The following COL24A1 variants were observed in gnomAD, a reference collection of about 807,000 sequenced individuals.
The protein encoded by COL24A1 is collagen type XXIV alpha 1 chain, also known as collagen alpha-1(XXIV) chain.
Under a neutral mutation model 253.9 loss-of-function variants are expected in COL24A1, and 224 were observed. The observed-to-expected ratio is 0.88, with a 90% CI of 0.79 to 0.99. The LOEUF (loss-of-function observed/expected upper bound fraction) is 0.99, where lower values mean the gene tolerates loss of function less well. Ranked by LOEUF, COL24A1 falls within the 50% of genes least tolerant of loss-of-function variation. The pLI is 0.00. For missense variants in COL24A1, 2,131 were observed against 2,068.5 expected (o/e 1.03, Z -0.59); for synonymous variants, 685 against 673.7 (o/e 1.02, Z -0.26).
At chr1:86,146,637 T>A (rs1209073171) in intron 1 of COL24A1, among the ~76,000 whole-genome samples, 1 of 151,950 alleles carries the variant, frequency 6.6e-6, no homozygotes, top group Non-Finnish European at 1.5e-5. Context: ...CTATAGTGAT[T>A]ATAAGTTAAT....
At chr1:86,154,997 A>G in intron 1 of COL24A1, 1 of 152,368 alleles carries the variant, frequency 6.6e-6, no homozygotes, top group Non-Finnish European at 1.5e-5. Context: ...CAGTGGCGGG[A>G]AATCTTCTGC....
chr1:85,869,091 T>C (rs1271340815), intron 35 of COL24A1, among the ~76,000 whole-genome samples: 1 of 152,064 alleles, frequency 6.6e-6, no homozygotes, highest in Non-Finnish European at 1.5e-5. Context: ...AAATTTTAGA[T>C]AATTAAAGTA....
chr1:85,985,139 T>G (rs574549233), intron 20 of COL24A1, among the ~76,000 whole-genome samples: 1 of 151,626 alleles, frequency 6.6e-6, no homozygotes, highest in East Asian at 1.9e-4. Context: ...GCTTGATAGG[T>G]TTTTTTTCAG....
chr1:85,842,437 A>C, intron 39 of COL24A1, 44 bp from the exon 40 acceptor site: 4 of 1,292,740 alleles, frequency 3.1e-6, no homozygotes, highest in Middle Eastern at 1.8e-4. Context: ...AAAGTAAAGA[A>C]TTGTTTAAAT....
chr1:85,849,753 G>T (rs1337827192), intron 37 of COL24A1, among the ~76,000 whole-genome samples: 1 of 152,080 alleles, frequency 6.6e-6, no homozygotes, highest in Non-Finnish European at 1.5e-5. Flanking sequence ...TGTAAAACAC[G>T]TTTAACTAAA....
intron 24 of COL24A1, among the ~76,000 whole-genome samples, chr1:85,946,422 T>C (rs1195255548): frequency 6.6e-6 from 1 of 152,212 alleles, no homozygotes; most frequent in Non-Finnish European, 1.5e-5. Flanking sequence ...TGAGTCTTAC[T>C]AGTCAATAAT....
intron 5 of COL24A1, among the ~76,000 whole-genome samples, chr1:86,093,819 G>A (rs1703688888): frequency 4.6e-5 from 7 of 152,026 alleles, no homozygotes; most frequent in Admixed American, 4.6e-4. Context: ...CCATTAAAAA[G>A]TGTGCAAGGG....
intron 53 of COL24A1, among the ~76,000 whole-genome samples, chr1:85,763,848 T>C (rs1667090282): frequency 6.6e-6 from 1 of 152,134 alleles, no homozygotes; most frequent in South Asian, 2.1e-4. Context: ...GTTATGGTGG[T>C]TATTTGGCTA....
chr1:86,063,994 A>G (rs1439814869), intron 7 of COL24A1, among the ~76,000 whole-genome samples: 2 of 151,988 alleles, frequency 1.3e-5, no homozygotes, highest in African/African-American at 4.8e-5. Context: ...TGTTATTTTA[A>G]TGACTTGTTA....
intron 1 of COL24A1, among the ~76,000 whole-genome samples, chr1:86,151,937 G>A (rs1018724777): frequency 1.3e-5 from 2 of 152,154 alleles, no homozygotes; most frequent in African/African-American, 4.8e-5. Context: ...ACACACACAC[G>A]TGATATACAT....
intron 23 of COL24A1, among the ~76,000 whole-genome samples, chr1:85,963,087 A>G (rs910884504): frequency 3.3e-5 from 5 of 152,238 alleles, no homozygotes; most frequent in Admixed American, 1.3e-4. Flanking sequence ...TCTTTTCACT[A>G]TCTAATGTGG....
chr1:85,927,623 G>C (rs1483261535), intron 24 of COL24A1, among the ~76,000 whole-genome samples: 1 of 90,774 alleles, frequency 1.1e-5, no homozygotes, highest in Non-Finnish European at 2.3e-5. Flanking sequence ...TCCACCTCTG[G>C]GGGCAGGGCA....
At chr1:85,768,861 G>A (rs1667657752) in intron 53 of COL24A1, among the ~76,000 whole-genome samples, 1 of 152,130 alleles carries the variant, frequency 6.6e-6, no homozygotes, top group African/African-American at 2.4e-5. Context: ...AGTTTTTATT[G>A]TGTTAATTAT....
chr1:85,816,817 T>C lies in COL24A1; in HGVS notation c.3922A>G (p.Ile1308Val). The C allele has an allele frequency of 6.2e-7, 1 of 1,613,866 alleles. No homozygotes were observed. Among genetic ancestry groups the C allele is most frequent in the Non-Finnish European group, 8.5e-7 (1 of 1,179,790 alleles). ...AGTCCCTGTTTTCCTGGTGGCCCAA[T>C]TTTTCCAGGGTTTCCTGAAATGCCA... Reference protein sequence around the residue: ...ADGISGNPGKIGPPGKQGLPG... With the variant: ...ADGISGNPGKVGPPGKQGLPG... Residue 1308 changes from isoleucine to valine, a missense_variant, in exon 47 of 60, where the codon ATT (isoleucine) becomes GTT (valine). Physicochemically the swap from Ile to Val is conservative, Grantham distance 29. Coordinates refer to ENST00000370571, the MANE Select transcript of COL24A1 (RefSeq NM_152890.7).
At chr1:86,092,365 T>C (rs776926901) in intron 5 of COL24A1, 45 bp from the exon 6 acceptor site, 4 of 1,393,214 alleles carry the variant, frequency 2.9e-6, no homozygotes, top group Non-Finnish European at 4.1e-6. Context: ...ATAAGTTGCA[T>C]ATAATGTGTC....
At chr1:85,972,823 A>G (rs1692308958) in intron 20 of COL24A1, among the ~76,000 whole-genome samples, 1 of 150,836 alleles carries the variant, frequency 6.6e-6, no homozygotes, top group South Asian at 2.1e-4. Flanking sequence ...TGGGAATAGC[A>G]TTAAGAATGA....
chr1:85,908,367 A>G (rs1042454659), intron 27 of COL24A1, among the ~76,000 whole-genome samples: 20 of 151,732 alleles, frequency 1.3e-4, no homozygotes, highest in Admixed American at 1.3e-4. Flanking sequence ...ACTTCAAAGC[A>G]TTTTAGTTTA....
chr1:85,892,308 T>C (rs925933038), intron 31 of COL24A1, among the ~76,000 whole-genome samples: 1 of 152,098 alleles, frequency 6.6e-6, no homozygotes, highest in African/African-American at 2.4e-5. Flanking sequence ...GTTATCTTTA[T>C]AGTGCTGAAT....
intron 35 of COL24A1, among the ~76,000 whole-genome samples, chr1:85,871,059 A>G (rs919653764): frequency 2.6e-5 from 4 of 152,218 alleles, no homozygotes; most frequent in Admixed American, 2.0e-4. Flanking sequence ...ATCAGAGAAT[A>G]CTACAAACAC....
Sources: allele counts gnomAD v4.1 joint callset (sites outside exome capture counted in the v4.1 genomes callset), GRCh38; gene constraint gnomAD v4.1.1; transcripts MANE v1.5; gene names NCBI Gene and HGNC (gene_info 2026-07-23, HGNC 2026-07-21).